MAF: variants seen among roughly 807,000 people sequenced by gnomAD.
The protein encoded by MAF is transcription factor Maf.
In MAF, 10 loss-of-function variants were observed where a neutral mutation model predicts 22.0. The ratio of observed to expected loss-of-function variants is 0.45; its 90% CI spans 0.28 to 0.77. The LOEUF (loss-of-function observed/expected upper bound fraction) is 0.77. Among genes scored for constraint, MAF ranks in the 30% least tolerant of loss-of-function variants. MAF has a pLI of 0.12. For synonymous variants in MAF, 337 were observed against 255.8 expected, an observed-to-expected ratio of 1.32 and a Z score of -3.03; for missense variants, 544 against 548.4, an observed-to-expected ratio of 0.99 and a Z score of 0.08.
the MAF span, among the ~76,000 whole-genome samples, chr16:79,477,120 G>T: frequency 1.1e-4 from 16 of 152,170 alleles, no homozygotes; most frequent in South Asian, 2.1e-4. Flanking sequence ...ATGGTTGAAA[G>T]GACCCAGAGT....
the MAF span, among the ~76,000 whole-genome samples, chr16:79,573,011 T>C: frequency 2.0e-5 from 3 of 152,228 alleles, no homozygotes; most frequent in East Asian, 3.8e-4. Context: ...ATCATTATTA[T>C]GTGGTTGTGA....
At chr16:79,297,961 C>G in the MAF span, among the ~76,000 whole-genome samples, 7 of 152,216 alleles carry the variant, frequency 4.6e-5, no homozygotes, top group Non-Finnish European at 7.3e-5. Flanking sequence ...TTGCAAAAAC[C>G]TTCACAAGTG....
At chr16:79,311,885 A>C in the MAF span, among the ~76,000 whole-genome samples, 1 of 152,158 alleles carries the variant, frequency 6.6e-6, no homozygotes, top group African/African-American at 2.4e-5. Flanking sequence ...CACGGACCTC[A>C]GCAGAGCCCT....
chr16:79,336,396 A>G, the MAF span, among the ~76,000 whole-genome samples: 200 of 152,352 alleles, frequency 1.3e-3, no homozygotes, highest in South Asian at 2.3e-3. Flanking sequence ...GAACAGAGCC[A>G]GGGTTTGAAC....
At chr16:79,467,752 G>A in the MAF span, among the ~76,000 whole-genome samples, 1 of 152,136 alleles carries the variant, frequency 6.6e-6, no homozygotes, top group Non-Finnish European at 1.5e-5. Flanking sequence ...GCCAGTGTAT[G>A]CTCAAGTTTG....
At chr16:79,353,525 C>T in the MAF span, among the ~76,000 whole-genome samples, 13 of 152,122 alleles carry the variant, frequency 8.5e-5, no homozygotes, top group East Asian at 1.9e-4. Flanking sequence ...ATATGATCTC[C>T]GTATCAGGGG....
chr16:79,521,246 T>C, the MAF span, among the ~76,000 whole-genome samples: 2 of 152,234 alleles, frequency 1.3e-5, no homozygotes, highest in Non-Finnish European at 2.9e-5. Flanking sequence ...GTTAATAGAA[T>C]CGCAACATAT....
At chr16:79,553,296 C>T in the MAF span, among the ~76,000 whole-genome samples, 2 of 152,246 alleles carry the variant, frequency 1.3e-5, no homozygotes, top group African/African-American at 4.8e-5. Flanking sequence ...GCAGAGAAAT[C>T]TGCATTCACA....
chr16:79,552,047 C>A, the MAF span, among the ~76,000 whole-genome samples: 3 of 152,210 alleles, frequency 2.0e-5, no homozygotes, highest in East Asian at 1.9e-4. Context: ...AACACAAACT[C>A]CTTAGCTTGG....
At chr16:79,269,990 T>C in the MAF span, among the ~76,000 whole-genome samples, 1 of 152,144 alleles carries the variant, frequency 6.6e-6, no homozygotes, top group African/African-American at 2.4e-5. Context: ...ATTGGTTTCA[T>C]TCCAGAAAGA....
chr16:79,211,943 C>A, the MAF span: 2 of 1,537,400 alleles, frequency 1.3e-6, no homozygotes, highest in African/African-American at 1.4e-5. Context: ...AGTGAAAAAT[C>A]TTAAGTACCA....
chr16:79,387,546 G>A, the MAF span, among the ~76,000 whole-genome samples: 1 of 152,118 alleles, frequency 6.6e-6, no homozygotes, highest in Non-Finnish European at 1.5e-5. Flanking sequence ...GTTGGGTAAG[G>A]CAATGGCGAC....
chr16:79,488,282 A>G, the MAF span, among the ~76,000 whole-genome samples: 1 of 152,104 alleles, frequency 6.6e-6, no homozygotes, highest in Admixed American at 6.5e-5. Context: ...ACTTTAGGGG[A>G]CCAGGAAGGA....
At chr16:79,465,190 G>T in the MAF span, among the ~76,000 whole-genome samples, 15 of 152,312 alleles carry the variant, frequency 9.8e-5, no homozygotes, top group South Asian at 2.7e-3. Flanking sequence ...ATCCATGGAT[G>T]CTCAAATCCT....
the MAF span, among the ~76,000 whole-genome samples, chr16:79,480,560 C>A: frequency 6.6e-6 from 1 of 152,060 alleles, no homozygotes; most frequent in Non-Finnish European, 1.5e-5. Context: ...CATCCAAGTG[C>A]AGTGCTCTAT....
At chr16:79,268,571 G>A in the MAF span, among the ~76,000 whole-genome samples, 7 of 152,164 alleles carry the variant, frequency 4.6e-5, no homozygotes, top group African/African-American at 1.7e-4. Flanking sequence ...AGGACAACAG[G>A]TTTTGCAACA....
At chr16:79,390,875 G>T in the MAF span, among the ~76,000 whole-genome samples, 1 of 152,174 alleles carries the variant, frequency 6.6e-6, no homozygotes, top group Non-Finnish European at 1.5e-5. Context: ...ACACCTGGGC[G>T]TTGGACCATG....
At chr16:79,225,908 G>A in the MAF span, among the ~76,000 whole-genome samples, 1 of 152,150 alleles carries the variant, frequency 6.6e-6, no homozygotes, top group Non-Finnish European at 1.5e-5. Flanking sequence ...TGGAGATATA[G>A]GAACACTTTT....
At chr16:79,244,074 TAAG>T in the MAF span, among the ~76,000 whole-genome samples, 1 of 151,968 alleles carries the variant, frequency 6.6e-6, no homozygotes, top group Non-Finnish European at 1.5e-5. Flanking sequence ...CTCAAAATAA[TAAG>T]AGCTATTTAT....
Sources: allele counts gnomAD v4.1 joint callset (sites outside exome capture counted in the v4.1 genomes callset), GRCh38; gene constraint gnomAD v4.1.1; transcripts MANE v1.5; gene names NCBI Gene and HGNC (gene_info 2026-07-23, HGNC 2026-07-21).